The following PGM5 variants were observed in gnomAD, a reference collection of about 807,000 sequenced individuals.
PGM5 encodes the protein phosphoglucomutase 5.
In PGM5, 23 loss-of-function variants were observed where a neutral mutation model predicts 59.2. That is an observed-to-expected ratio of 0.39 (90% CI 0.28 to 0.55). The LOEUF is 0.55. Ranked by LOEUF, PGM5 falls within the 20% of genes least tolerant of loss-of-function variation. The pLI is 0.66. For synonymous variants in PGM5, 214 were observed against 286.0 expected (o/e 0.75, Z 2.54); for missense variants, 574 against 748.3 (o/e 0.77, Z 2.72).
intron 10 of PGM5, among the ~76,000 whole-genome samples, chr9:68,529,004 A>G (rs1825035408): frequency 6.6e-6 from 1 of 151,958 alleles, no homozygotes; most frequent in South Asian, 2.1e-4. Flanking sequence ...CCTCCAGAAA[A>G]CCCACTGAGG....
chr9:68,446,656 C>T lies in PGM5; in HGVS notation c.1044-18437C>T, dbSNP rs547931480. ...AGGATGAAGTCTACAGGTTTTTATTCTTGCTTTATTTTTCACTTTCTCTAA... is the reference window on the plus strand; with the variant it reads ...AGGATGAAGTCTACAGGTTTTTATTTTTGCTTTATTTTTCACTTTCTCTAA... On this transcript the variant is annotated intron_variant, in intron 6 of 10. Transcript: ENST00000396396. Among the ~76,000 whole-genome samples the T allele has an allele frequency of 2.0e-5, 3 of 152,288 alleles. 1 individual carries two copies. In the East Asian group the frequency reaches 5.8e-4, roughly 29 times the overall value.
At chr9:68,433,725 A>C (rs1381856770) in intron 6 of PGM5, among the ~76,000 whole-genome samples, 1 of 152,234 alleles carries the variant, frequency 6.6e-6, no homozygotes, top group African/African-American at 2.4e-5. Context: ...AAGTCAGATA[A>C]CAGCACTCAT....
At chr9:68,417,758 G>T (rs1823059236) in intron 6 of PGM5, among the ~76,000 whole-genome samples, 1 of 152,150 alleles carries the variant, frequency 6.6e-6, no homozygotes, top group South Asian at 2.1e-4. Flanking sequence ...TGTCTTGAAA[G>T]ATTGTTCTAT....
chr9:68,432,640 C>A (rs1823373408), intron 6 of PGM5, among the ~76,000 whole-genome samples: 1 of 151,798 alleles, frequency 6.6e-6, no homozygotes, highest in South Asian at 2.1e-4. Context: ...GTATCTCACT[C>A]TGTTACCCAG....
rs1442753599 is a variant in PGM5, at chr9:68,410,557, A to G, written c.1043+18084A>G. Among the ~76,000 whole-genome samples, 4 of 151,838 alleles carry G rather than the reference A, an allele frequency of 2.6e-5. No homozygotes were observed. In the East Asian group the frequency reaches 5.8e-4, roughly 22 times the overall value. Reference sequence around the variant, plus strand: ...TTTGATGATGGTGATGAGGATGATGATGAGGAGGAGGAGGAGGAGGAGGAG... The same window carrying G: ...TTTGATGATGGTGATGAGGATGATGGTGAGGAGGAGGAGGAGGAGGAGGAG... On this transcript the variant is annotated intron_variant, in intron 6 of 10. Coordinates refer to ENST00000396396, the MANE Select transcript of PGM5 (RefSeq NM_021965.4).
intron 6 of PGM5, among the ~76,000 whole-genome samples, chr9:68,403,778 G>A (rs576313907): frequency 6.6e-6 from 1 of 152,262 alleles, no homozygotes; most frequent in Non-Finnish European, 1.5e-5. Flanking sequence ...GTTGGTGTGG[G>A]GGTAGGGGTG....
intron 10 of PGM5, among the ~76,000 whole-genome samples, chr9:68,507,624 T>G (rs913601110): frequency 6.6e-6 from 1 of 151,850 alleles, no homozygotes; most frequent in East Asian, 1.9e-4. Flanking sequence ...AAACAAGTTC[T>G]GGTCAGGTGG....
At chr9:68,529,533 G>C (rs1825047273) in intron 10 of PGM5, 34 bp from the exon 11 acceptor site, 1 of 1,461,446 alleles carries the variant, frequency 6.8e-7, no homozygotes. Context: ...TAACTGACTT[G>C]AGTTGTTCAC....
chr9:68,375,433 A>G (rs1821854444), intron 1 of PGM5, among the ~76,000 whole-genome samples: 1 of 152,160 alleles, frequency 6.6e-6, no homozygotes, highest in Admixed American at 6.5e-5. Context: ...ACTAATTTTC[A>G]TTTCTGTTGG....
At chr9:68,461,400 A>G (rs974204062) in intron 6 of PGM5, among the ~76,000 whole-genome samples, 2 of 152,198 alleles carry the variant, frequency 1.3e-5, no homozygotes, top group African/African-American at 4.8e-5. Context: ...TGTGTCTGAA[A>G]AGATGAGATG....
intron 6 of PGM5, among the ~76,000 whole-genome samples, chr9:68,428,166 T>C (rs1554682810): frequency 6.6e-6 from 1 of 152,220 alleles, no homozygotes; most frequent in Non-Finnish European, 1.5e-5. Flanking sequence ...TTGGTAATAT[T>C]TATAATTTGT....
intron 9 of PGM5, among the ~76,000 whole-genome samples, chr9:68,486,049 T>C (rs1554687516): frequency 6.6e-6 from 1 of 152,182 alleles, no homozygotes; most frequent in Non-Finnish European, 1.5e-5. Context: ...CCAGGGATAG[T>C]TGAGTCTGGG....
chr9:68,394,709 C>T (rs1554679820), intron 6 of PGM5, among the ~76,000 whole-genome samples: 2 of 151,724 alleles, frequency 1.3e-5, no homozygotes, highest in Non-Finnish European at 2.9e-5. Context: ...TAACCTTCAA[C>T]TGCTGGGCTC....
intron 6 of PGM5, among the ~76,000 whole-genome samples, chr9:68,415,779 A>ATATCTATCATC (rs1554681920): frequency 1.8e-4 from 6 of 33,234 alleles, no homozygotes; most frequent in African/African-American, 3.4e-4. Flanking sequence ...AAGGCAGGGA[A>ATATCTATCATC]TATCTATCTA....
chr9:68,363,816 A>T (rs1834627578), intron 1 of PGM5, among the ~76,000 whole-genome samples: 1 of 152,228 alleles, frequency 6.6e-6, no homozygotes, highest in South Asian at 2.1e-4. Flanking sequence ...TTGTTTCCTC[A>T]TCTAAAAATC....
At chr9:68,501,796 A>G (rs1168011237) in intron 10 of PGM5, among the ~76,000 whole-genome samples, 2 of 152,236 alleles carry the variant, frequency 1.3e-5, no homozygotes, top group African/African-American at 4.8e-5. Flanking sequence ...CAACTGGCTT[A>G]TTAATATCTG....
intron 6 of PGM5, among the ~76,000 whole-genome samples, chr9:68,421,951 T>TA (rs1354262683): frequency 6.6e-6 from 1 of 151,778 alleles, no homozygotes; most frequent in South Asian, 2.1e-4. Context: ...GGCAAATATA[T>TA]AAAAAATGAA....
chr9:68,496,860 G>A (rs1255767531), intron 9 of PGM5: 1 of 152,186 alleles, frequency 6.6e-6, no homozygotes, highest in Non-Finnish European at 1.5e-5. Flanking sequence ...CATCAGAAGA[G>A]GTAATCCCAA....
At chr9:68,474,758 A>T (rs1289101145) in intron 7 of PGM5, among the ~76,000 whole-genome samples, 1 of 151,450 alleles carries the variant, frequency 6.6e-6, no homozygotes, top group African/African-American at 2.4e-5. Context: ...CAGCTTTGGA[A>T]ATATGGGTAT....
Sources: allele counts gnomAD v4.1 joint callset (sites outside exome capture counted in the v4.1 genomes callset), GRCh38; gene constraint gnomAD v4.1.1; transcripts MANE v1.5; gene names NCBI Gene and HGNC (gene_info 2026-07-23, HGNC 2026-07-21).